Variants in TMEM178A observed in about 807,000 individuals in gnomAD.
TMEM178A encodes the protein transmembrane protein 178.
A neutral mutation model predicts 29.1 loss-of-function variants in TMEM178A; 12 were observed. The ratio of observed to expected loss-of-function variants is 0.41; its 90% CI spans 0.26 to 0.67. The LOEUF (loss-of-function observed/expected upper bound fraction) is 0.67, where lower values mean the gene tolerates loss of function less well. Among genes scored for constraint, TMEM178A ranks in the 30% least tolerant of loss-of-function variants. The pLI, the probability that TMEM178A is intolerant of heterozygous loss-of-function variation, is 0.29. For missense variants in TMEM178A, 366 were observed against 419.1 expected, an observed-to-expected ratio of 0.87 and a Z score of 1.11; for synonymous variants, 210 against 187.2, an observed-to-expected ratio of 1.12 and a Z score of -0.99.
At chr2:39,702,327 G>A (rs1483753958) in intron 1 of TMEM178A, among the ~76,000 whole-genome samples, 1 of 152,050 alleles carries the variant, frequency 6.6e-6, no homozygotes, top group East Asian at 1.9e-4. Flanking sequence ...GTACAGAAAT[G>A]TTCTTAGCCT....
At chr2:39,727,016 T>A in the TMEM178A span, among the ~76,000 whole-genome samples, 1 of 152,260 alleles carries the variant, frequency 6.6e-6, no homozygotes, top group South Asian at 2.1e-4. Context: ...CGTTTTGAGT[T>A]GTTTCTTTAA....
At chr2:39,670,676 T>C (rs1402772214) in intron 1 of TMEM178A, among the ~76,000 whole-genome samples, 1 of 152,248 alleles carries the variant, frequency 6.6e-6, no homozygotes, top group Non-Finnish European at 1.5e-5. Flanking sequence ...GGAAACATTA[T>C]GTAATGCTTC....
intron 1 of TMEM178A, among the ~76,000 whole-genome samples, chr2:39,676,585 AC>A (rs1303772760): frequency 6.6e-6 from 1 of 152,232 alleles, no homozygotes; most frequent in Non-Finnish European, 1.5e-5. Context: ...AGTGGAATGG[AC>A]CATGATTTTC....
the TMEM178A span, among the ~76,000 whole-genome samples, chr2:39,725,209 C>T: frequency 1.3e-5 from 2 of 152,216 alleles, no homozygotes; most frequent in Non-Finnish European, 2.9e-5. Flanking sequence ...GTGAGTGGCC[C>T]TCAGAACCCT....
At chr2:39,685,325 A>G (rs1254740188) in intron 1 of TMEM178A, among the ~76,000 whole-genome samples, 1 of 152,112 alleles carries the variant, frequency 6.6e-6, no homozygotes, top group Non-Finnish European at 1.5e-5. Context: ...CTAAAGGATC[A>G]TCTTGCTTAT....
upstream of TMEM178A, chr2:39,665,775 C>G (rs1018182774): frequency 3.1e-6 from 1 of 323,968 alleles, no homozygotes; most frequent in Non-Finnish European, 4.7e-6. Flanking sequence ...GGGCCGGGGG[C>G]GGGCGGGCGG....
intron 2 of TMEM178A, among the ~76,000 whole-genome samples, chr2:39,705,816 T>A (rs1246669173): frequency 6.6e-6 from 1 of 152,178 alleles, no homozygotes; most frequent in Admixed American, 6.5e-5. Flanking sequence ...CTTCGAACAG[T>A]GTGATCTGCA....
chr2:39,728,133 G>A, the TMEM178A span, among the ~76,000 whole-genome samples: 4 of 152,092 alleles, frequency 2.6e-5, no homozygotes, highest in East Asian at 1.9e-4. Flanking sequence ...TCCAGGAATC[G>A]CCACACTGAC....
At chr2:39,678,375 A>C (rs1161231499) in intron 1 of TMEM178A, among the ~76,000 whole-genome samples, 9 of 152,270 alleles carry the variant, frequency 5.9e-5, no homozygotes. Flanking sequence ...TGGTATGTCC[A>C]TACAATGGAA....
At chr2:39,666,567 T>G (rs902997849) in intron 1 of TMEM178A, among the ~76,000 whole-genome samples, 193 bp downstream of exon 1, 4 of 152,064 alleles carry the variant, frequency 2.6e-5, no homozygotes, top group Non-Finnish European at 5.9e-5. Flanking sequence ...CTTCTCCCTC[T>G]CCTTGACTCT....
At chr2:39,688,699 C>T (rs1168920685) in intron 1 of TMEM178A, among the ~76,000 whole-genome samples, 1 of 152,188 alleles carries the variant, frequency 6.6e-6, no homozygotes, top group African/African-American at 2.4e-5. Flanking sequence ...TTGATTATTG[C>T]TTAGAAAAAG....
In TMEM178A at chr2:39,711,711, T is replaced by G. The variant is rs138007237; in HGVS notation, c.652+4525T>G. Among the ~76,000 whole-genome samples the G allele has an allele frequency of 1.9e-3, 289 of 152,320 alleles. 1 individual carries two copies. The highest frequency in any genetic ancestry group is 6.8e-3 in the African/African-American group (282 of 41,570). ...TGAATTATCTAGATTATCCATTGAT[T>G]ATGACATGAAACTACAGGTCCATGA... On this transcript the variant is annotated intron_variant, in intron 3 of 3. Transcript: ENST00000281961.
At chr2:39,685,662 C>G (rs1671046154) in intron 1 of TMEM178A, among the ~76,000 whole-genome samples, 1 of 152,210 alleles carries the variant, frequency 6.6e-6, no homozygotes, top group African/African-American at 2.4e-5. Context: ...GAAAGGTGAT[C>G]ATGCATAAGA....
At chr2:39,731,336 A>T in the TMEM178A span, among the ~76,000 whole-genome samples, 1 of 152,326 alleles carries the variant, frequency 6.6e-6, no homozygotes, top group African/African-American at 2.4e-5. Flanking sequence ...GTTGATAAAG[A>T]AAAGTTGTTT....
intron 1 of TMEM178A, among the ~76,000 whole-genome samples, chr2:39,681,686 T>G (rs1670876290): frequency 6.6e-6 from 1 of 152,188 alleles, no homozygotes; most frequent in Non-Finnish European, 1.5e-5. Context: ...CATGGGAGAC[T>G]ATGAACTAGA....
Position 39,668,759 on chromosome 2 carries a change from G to A in TMEM178A, c.400+2385G>A, listed in dbSNP as rs576284035. On this transcript the variant is annotated intron_variant, in intron 1 of 3. Transcript: ENST00000281961. ...GTAATGTTGCTACTAACCAACCTTG[G>A]GCTAGTTACATAATTCTTCTAGATC... Among the ~76,000 whole-genome samples the A allele has an allele frequency of 4.4e-4, 67 of 152,200 alleles. 1 individual carries two copies. The highest frequency in any genetic ancestry group is 6.8e-3 in the Middle Eastern group (2 of 294).
chr2:39,666,452 C>T, intron 1 of TMEM178A, 78 bp downstream of exon 1: 1 of 1,151,904 alleles, frequency 8.7e-7, no homozygotes, highest in Non-Finnish European at 1.1e-6. Context: ...GCGCGCCGGT[C>T]CCCGCAGCCC....
intron 1 of TMEM178A, among the ~76,000 whole-genome samples, chr2:39,681,339 T>C (rs1670861437): frequency 6.6e-6 from 1 of 152,212 alleles, no homozygotes; most frequent in East Asian, 1.9e-4. Context: ...AGAGCCACAG[T>C]GTGACTTCCA....
chr2:39,713,612 A>G (rs1672404930), intron 3 of TMEM178A, among the ~76,000 whole-genome samples: 1 of 152,218 alleles, frequency 6.6e-6, no homozygotes, highest in Admixed American at 6.5e-5. Context: ...CCAAGGAGAG[A>G]GTCCTCAGTT....
Sources: allele counts gnomAD v4.1 joint callset (sites outside exome capture counted in the v4.1 genomes callset), GRCh38; gene constraint gnomAD v4.1.1; transcripts MANE v1.5; gene names NCBI Gene and HGNC (gene_info 2026-07-23, HGNC 2026-07-21).